MAK: variants seen among roughly 807,000 people sequenced by gnomAD.
MAK encodes male germ cell associated kinase.
In MAK, 65 loss-of-function variants were observed where a neutral mutation model predicts 82.6. That is an observed-to-expected ratio of 0.79 (90% CI 0.64 to 0.97). The LOEUF is 0.97. Among genes scored for constraint, MAK ranks in the 50% least tolerant of loss-of-function variants. The probability of loss-of-function intolerance (pLI) is 0.00; values close to 1 mark genes in which losing one functional copy is unlikely to be tolerated. For missense variants in MAK, 703 were observed against 780.2 expected, an observed-to-expected ratio of 0.90 and a Z score of 1.18; for synonymous variants, 250 against 274.2, an observed-to-expected ratio of 0.91 and a Z score of 0.87.
intron 2 of MAK, among the ~76,000 whole-genome samples, chr6:10,821,881 C>T (rs1474822637): frequency 6.6e-6 from 1 of 150,738 alleles, no homozygotes; most frequent in Non-Finnish European, 1.5e-5. Flanking sequence ...GGCACGGTGG[C>T]TCACACCTGT....
chr6:10,827,085 T>TG (rs1390317458), intron 2 of MAK, among the ~76,000 whole-genome samples: 1 of 152,114 alleles, frequency 6.6e-6, no homozygotes, highest in Non-Finnish European at 1.5e-5. Context: ...CACTCCAGCC[T>TG]GGCAACAGAG....
At chr6:10,813,132 ATAAATTTTTT>A (rs1777168359) in intron 5 of MAK, among the ~76,000 whole-genome samples, 1 of 762 alleles carries the variant, frequency 1.3e-3, no homozygotes, top group Non-Finnish European at 2.7e-3. Flanking sequence ...ATATATATAT[ATAAATTTTTT>A]TTTTTTTTTT....
chr6:10,815,708 C>T (rs188852752), intron 4 of MAK, among the ~76,000 whole-genome samples: 3 of 151,710 alleles, frequency 2.0e-5, no homozygotes, highest in Admixed American at 1.3e-4. Flanking sequence ...GCAATCCTCC[C>T]GCCTTGGCCT....
Position 10,802,077 on chromosome 6 carries a change from A to C in MAK, c.664-18T>G, listed in dbSNP as rs1353998651. Reference sequence around the variant, plus strand: ...CAGTCACTCTGTTTCAGGAATATATAAGTGCAGGTGGGGAGGGCAAAACAA... The same window carrying C: ...CAGTCACTCTGTTTCAGGAATATATCAGTGCAGGTGGGGAGGGCAAAACAA... On this transcript the variant is annotated intron_variant, in intron 7 of 14. Transcript: ENST00000354489. 1 of 1,612,638 alleles carries C rather than the reference A, an allele frequency of 6.2e-7. No individual in the cohort carries two copies. The highest frequency in any genetic ancestry group is 1.3e-5 in the African/African-American group (1 of 74,888).
chr6:10,771,072 C>T (rs1772973117), intron 13 of MAK, among the ~76,000 whole-genome samples: 1 of 151,972 alleles, frequency 6.6e-6, no homozygotes, highest in African/African-American at 2.4e-5. Context: ...AGACATGGTA[C>T]CCAGAGGACA....
chr6:10,807,336 CTTTTTT>C (rs35237927), intron 6 of MAK, among the ~76,000 whole-genome samples: 1 of 73,728 alleles, frequency 1.4e-5, no homozygotes, highest in Non-Finnish European at 2.4e-5. Flanking sequence ...ACATATATTC[CTTTTTT>C]TTTTTTTTTT....
At chr6:10,828,737 G>A (rs563480) in intron 2 of MAK, among the ~76,000 whole-genome samples, 1 of 152,052 alleles carries the variant, frequency 6.6e-6, no homozygotes, top group African/African-American at 2.4e-5. Flanking sequence ...TGAGGCTATA[G>A]TGAGCTATGT....
At chr6:10,789,061 T>A (rs1004777397) in intron 10 of MAK, among the ~76,000 whole-genome samples, 2 of 151,844 alleles carry the variant, frequency 1.3e-5, no homozygotes, top group Admixed American at 1.3e-4. Flanking sequence ...TTAATCCATG[T>A]GTTTTGAAAA....
chr6:10,789,309 C>G (rs1269757501), intron 10 of MAK, among the ~76,000 whole-genome samples: 1 of 152,158 alleles, frequency 6.6e-6, no homozygotes, highest in African/African-American at 2.4e-5. Flanking sequence ...TCCTATTCTT[C>G]TGTTTCAAAG....
At chr6:10,792,189 C>T (rs528418950) in intron 9 of MAK, among the ~76,000 whole-genome samples, 5 of 152,136 alleles carry the variant, frequency 3.3e-5, no homozygotes, top group Admixed American at 3.3e-4. Flanking sequence ...GCCTTAGTGT[C>T]CTCCTTAAGT....
At chr6:10,790,419 A>C (rs1414845106) in intron 10 of MAK, among the ~76,000 whole-genome samples, 4 of 152,222 alleles carry the variant, frequency 2.6e-5, no homozygotes, top group African/African-American at 2.4e-5. Flanking sequence ...AGGAAAACAA[A>C]AAAAAAAGAA....
chr6:10,787,777 C>T (rs552723830), intron 10 of MAK, among the ~76,000 whole-genome samples: 182 of 150,670 alleles, frequency 1.2e-3, no homozygotes, highest in African/African-American at 3.9e-3. Context: ...AGGAGAATGG[C>T]GTGAACCCAG....
chr6:10,764,656 A>G, intron 14 of MAK, 50 bp from the exon 15 acceptor site: 1 of 1,523,244 alleles, frequency 6.6e-7, no homozygotes, highest in South Asian at 1.1e-5. Flanking sequence ...TTGCTTATCA[A>G]ACTCAAAATA....
At chr6:10,815,914 A>G (rs7452379) in intron 4 of MAK, among the ~76,000 whole-genome samples, 483 of 17,380 alleles carry the variant, frequency 0.028, 9 homozygotes, top group South Asian at 0.045. Flanking sequence ...TTTATACAGT[A>G]TATATATATA....
At chr6:10,783,956 T>C (rs1774268477) in intron 11 of MAK, among the ~76,000 whole-genome samples, 1 of 151,530 alleles carries the variant, frequency 6.6e-6, no homozygotes, top group South Asian at 2.1e-4. Context: ...GAGGTGGAGG[T>C]TGCAGTGAGC....
Position 10,793,929 on chromosome 6 carries a change from C to G in MAK, c.1143+2069G>C, listed in dbSNP as rs1775300831. Among the ~76,000 whole-genome samples the G allele has an allele frequency of 1.3e-5, 2 of 152,164 alleles. No individual in the cohort carries two copies. Among genetic ancestry groups the G allele is most frequent in the Non-Finnish European group, 2.9e-5 (2 of 68,034 alleles). On this transcript the variant is annotated intron_variant, in intron 9 of 14. Coordinates refer to ENST00000354489, the MANE Select transcript of MAK (RefSeq NM_001242957.3). This position sits in a 1 kb window ranked among gnomAD's most constrained non-coding sequence, Gnocchi z 4.6. ...TATATTCCCTGCCTGCTGTCTGCCTCTAGCTCTGGCAACCTCATTCTAAGT... is the reference window on the plus strand; with the variant it reads ...TATATTCCCTGCCTGCTGTCTGCCTGTAGCTCTGGCAACCTCATTCTAAGT...
Position 10,769,971 on chromosome 6 carries a change from G to A in MAK, c.1792+140C>T, listed in dbSNP as rs77881176. Reference sequence around the variant, plus strand: ...TTTTGGAAGAAAAATAGGACATTTCGGTAAAAACAAAAAGAAATGCGTTAA... The same window carrying A: ...TTTTGGAAGAAAAATAGGACATTTCAGTAAAAACAAAAAGAAATGCGTTAA... On this transcript the variant is annotated intron_variant, in intron 14 of 14. Transcript: ENST00000354489. 4,225 of 1,495,916 alleles carry A rather than the reference G, an allele frequency of 2.8e-3. 114 individuals carry two copies. The African/African-American group carries it at 0.052, about 18-fold the overall frequency. 92.7% of individuals were successfully genotyped at this position (1,495,916 alleles called of 1,614,324 possible). A position where few individuals can be genotyped will look rare whatever the true frequency, so the allele number is the denominator to read the frequency against.
intron 11 of MAK, among the ~76,000 whole-genome samples, chr6:10,781,313 C>G (rs1051344918): frequency 1.3e-5 from 2 of 151,906 alleles, no homozygotes; most frequent in African/African-American, 4.8e-5. Flanking sequence ...TTTCAAGAAT[C>G]AAAGCATAAT....
chr6:10,766,840 A>G (rs546139767), intron 14 of MAK, among the ~76,000 whole-genome samples: 43 of 150,184 alleles, frequency 2.9e-4, no homozygotes, highest in Non-Finnish European at 5.7e-4. Context: ...CCAGGTCATG[A>G]TATCACCTAA....
Sources: allele counts gnomAD v4.1 joint callset (sites outside exome capture counted in the v4.1 genomes callset), GRCh38; gene constraint gnomAD v4.1.1; non-coding constraint Gnocchi (gnomAD v3.1); transcripts MANE v1.5; gene names NCBI Gene and HGNC (gene_info 2026-07-23, HGNC 2026-07-21).